HMGB1: variants seen among roughly 807,000 people sequenced by gnomAD.
The protein encoded by HMGB1 is high mobility group box 1.
For missense variants in HMGB1, 79 were observed against 253.5 expected (o/e 0.31, Z 4.67); for synonymous variants, 81 against 84.0 (o/e 0.96, Z 0.19).
At chr13:30,606,451 T>C (rs1039822037) in intron 1 of HMGB1, among the ~76,000 whole-genome samples, 1 of 117,494 alleles carries the variant, frequency 8.5e-6, no homozygotes, top group African/African-American at 4.6e-5. Flanking sequence ...GTCTTAAAGC[T>C]GATCAATAAC....
At chr13:30,462,274 TACC>T (rs1886396857) in intron 4 of HMGB1, 1 of 473,112 alleles carries the variant, frequency 2.1e-6, no homozygotes, top group African/African-American at 2.0e-5. Flanking sequence ...TTGAAGTGAC[TACC>T]AACATTTTCA....
intron 1 of HMGB1, among the ~76,000 whole-genome samples, chr13:30,558,355 G>A (rs1393414208): frequency 1.3e-5 from 2 of 152,140 alleles, no homozygotes; most frequent in African/African-American, 4.8e-5. Flanking sequence ...CTTGGCAAAA[G>A]TGAACAGTGC....
intron 1 of HMGB1, among the ~76,000 whole-genome samples, chr13:30,502,190 T>G (rs1044082133): frequency 1.3e-5 from 2 of 152,222 alleles, no homozygotes; most frequent in African/African-American, 4.8e-5. Context: ...TGTACTCCAC[T>G]TGGGTTTTTT....
At chr13:30,516,970 A>G (rs1287319973) in intron 1 of HMGB1, among the ~76,000 whole-genome samples, 1 of 152,134 alleles carries the variant, frequency 6.6e-6, no homozygotes, top group African/African-American at 2.4e-5. Context: ...GTGCTTTTAA[A>G]TACATAAATG....
chr13:30,464,669 C>T (rs1347518537), intron 1 of HMGB1: 14 of 981,296 alleles, frequency 1.4e-5, no homozygotes, highest in East Asian at 1.1e-4. Context: ...GCCGCCGGGG[C>T]CGGCGCGCAC....
chr13:30,544,577 G>C (rs1458744225), intron 1 of HMGB1, among the ~76,000 whole-genome samples: 1 of 152,178 alleles, frequency 6.6e-6, no homozygotes, highest in South Asian at 2.1e-4. Flanking sequence ...AGCTGAAAAC[G>C]TGGAGGTTCC....
rs566446949 is a variant in HMGB1 at position 30,554,796 on chromosome 13, A to T, written c.-15+61875T>A. 2.4e-4 allele frequency: 180 copies of T among 765,754 alleles called. 2 individuals carry two copies. The highest frequency in any genetic ancestry group is 3.5e-4 in the Non-Finnish European group (142 of 411,292). The allele number at this position is 765,754 out of a possible 1,614,324, so 47.4% of individuals were successfully genotyped here. A position where few individuals can be genotyped will look rare whatever the true frequency, so the allele number is the denominator to read the frequency against. On this transcript the variant is annotated intron_variant, in intron 1 of 4. Transcript: ENST00000405805. The stretch of plus-strand genomic sequence containing the variant: ...GCTAAATGAGAACGAACAAAAAAGA[A>T]AAAGGCCAAGATAGACACCTAATAT...
At chr13:30,464,856 C>A (rs2137406989) in intron 1 of HMGB1, 1 of 151,562 alleles carries the variant, frequency 6.6e-6, no homozygotes, top group Non-Finnish European at 1.4e-5. Flanking sequence ...GAGCCGCGCT[C>A]TGGCGCACAC....
chr13:30,576,550 C>A (rs1870664277), intron 1 of HMGB1, among the ~76,000 whole-genome samples: 1 of 151,696 alleles, frequency 6.6e-6, no homozygotes, highest in African/African-American at 2.4e-5. Context: ...CCTTTGCTTT[C>A]TTCTGCTTGC....
chr13:30,614,012 A>G (rs1379791021), intron 1 of HMGB1, among the ~76,000 whole-genome samples: 1 of 152,222 alleles, frequency 6.6e-6, no homozygotes, highest in East Asian at 1.9e-4. Context: ...TAACAGAACA[A>G]CTTTTAAGGT....
At chr13:30,537,675 A>C (rs967207323) in intron 1 of HMGB1, among the ~76,000 whole-genome samples, 4 of 132,532 alleles carry the variant, frequency 3.0e-5, no homozygotes, top group Non-Finnish European at 4.9e-5. Flanking sequence ...ATATATATAT[A>C]TATATATATA....
intron 1 of HMGB1, among the ~76,000 whole-genome samples, chr13:30,589,361 A>G (rs1250640193): frequency 6.6e-6 from 1 of 152,182 alleles, no homozygotes; most frequent in Non-Finnish European, 1.5e-5. Flanking sequence ...AAAGCTGTCT[A>G]GGGTCACAAA....
intron 1 of HMGB1, among the ~76,000 whole-genome samples, chr13:30,555,033 G>GTTTTTTTTTTTTTTTT (rs1007919529): frequency 2.8e-5 from 2 of 72,440 alleles, no homozygotes; most frequent in African/African-American, 5.7e-5. Flanking sequence ...GTGTCGTTGT[G>GTTTTTTTTTTTTTTTT]TTTTTTTTTT....
At chr13:30,463,759 T>A (rs1409533745) in intron 1 of HMGB1, 65 bp from the exon 2 acceptor site, 39 of 1,082,550 alleles carry the variant, frequency 3.6e-5, no homozygotes, top group Non-Finnish European at 4.2e-5. Flanking sequence ...CTTAAAGTAC[T>A]TAGTAAGGGA....
chr13:30,527,049 G>A (rs566894085), intron 1 of HMGB1, among the ~76,000 whole-genome samples: 78 of 152,326 alleles, frequency 5.1e-4, no homozygotes, highest in Middle Eastern at 6.8e-3. Context: ...GGCCGAGCCC[G>A]CCTTTTAACA....
chr13:30,615,402 A>G (rs1482750382), intron 1 of HMGB1, among the ~76,000 whole-genome samples: 1 of 152,240 alleles, frequency 6.6e-6, no homozygotes, highest in Non-Finnish European at 1.5e-5. Flanking sequence ...TATATAAACC[A>G]TTATATAACA....
At chr13:30,579,813 G>A (rs936992785) in intron 1 of HMGB1, among the ~76,000 whole-genome samples, 65 of 152,174 alleles carry the variant, frequency 4.3e-4, no homozygotes, top group African/African-American at 1.2e-3. Context: ...AGTCAAATGT[G>A]CTTACATTGA....
intron 1 of HMGB1, chr13:30,464,641 G>A (rs1169925502): frequency 1.0e-6 from 1 of 984,022 alleles, no homozygotes; most frequent in Non-Finnish European, 1.2e-6. Context: ...CTCGAAATGG[G>A]GGCTGGCTCC....
chr13:30,460,842 C>T lies in HMGB1; in HGVS notation c.*515G>A, dbSNP rs2137390045. ...ATTCAAAATGGGCAAAAGCAAAAGA[C>T]TAGCTTCCCCTCAAGAAGAAAAATT... On this transcript the variant is annotated 3_prime_UTR_variant, in exon 5 of 5. Transcript: ENST00000341423. 1 of 156,130 alleles carries T rather than the reference C, an allele frequency of 6.4e-6. No homozygotes were observed. Among genetic ancestry groups the T allele is most frequent in the Non-Finnish European group, 1.4e-5 (1 of 71,204 alleles). 9.7% of individuals were successfully genotyped at this position (156,130 alleles called of 1,614,324 possible). A position where few individuals can be genotyped will look rare whatever the true frequency, so the allele number is the denominator to read the frequency against.
Sources: allele counts gnomAD v4.1 joint callset (sites outside exome capture counted in the v4.1 genomes callset), GRCh38; gene constraint gnomAD v4.1.1; transcripts MANE v1.5; gene names NCBI Gene and HGNC (gene_info 2026-07-23, HGNC 2026-07-21).